The following STIL variants were observed in gnomAD, a reference collection of about 807,000 sequenced individuals.
STIL encodes the protein STIL centriolar assembly protein.
STIL carries 55 observed loss-of-function variants against 110.1 expected under a neutral mutation model. That is an observed-to-expected ratio of 0.50 (90% CI 0.40 to 0.63). STIL has a LOEUF of 0.63. Among genes scored for constraint, STIL ranks in the 20% least tolerant of loss-of-function variants. The pLI is 0.00. For missense variants in STIL, 1,358 were observed against 1,530.0 expected (o/e 0.89, Z 1.87); for synonymous variants, 481 against 530.0 (o/e 0.91, Z 1.27).
At chr1:47,285,778 C>T (rs1257732015) in intron 10 of STIL, among the ~76,000 whole-genome samples, 21 of 151,108 alleles carry the variant, frequency 1.4e-4, no homozygotes, top group Non-Finnish European at 3.1e-4. Flanking sequence ...TTCTTTACCA[C>T]AAAAGGTAGA....
intron 1 of STIL, chr1:47,312,860 T>C (rs970188893): frequency 2.0e-5 from 3 of 152,240 alleles, no homozygotes; most frequent in Non-Finnish European, 2.9e-5. Flanking sequence ...TCGTGTACAA[T>C]AGAAACGTTC....
At chr1:47,255,655 C>A (rs1333896509) in intron 16 of STIL, among the ~76,000 whole-genome samples, 4 of 151,916 alleles carry the variant, frequency 2.6e-5, no homozygotes, top group African/African-American at 9.7e-5. Context: ...AAGCAGATAG[C>A]CAGGAAGCAA....
chr1:47,288,809 G>A (rs907387932), intron 9 of STIL, among the ~76,000 whole-genome samples: 3 of 150,464 alleles, frequency 2.0e-5, no homozygotes, highest in African/African-American at 7.3e-5. Context: ...CACTTTGGGA[G>A]GCTTAGGCAG....
At chr1:47,313,030 G>A (rs1646180512) in intron 1 of STIL, 1 of 152,112 alleles carries the variant, frequency 6.6e-6, no homozygotes, top group Non-Finnish European at 1.5e-5. Context: ...TGCTTTAAAA[G>A]TCAATGGCTC....
intron 7 of STIL, among the ~76,000 whole-genome samples, chr1:47,295,331 G>A (rs1269394741): frequency 6.6e-6 from 1 of 152,098 alleles, no homozygotes; most frequent in Non-Finnish European, 1.5e-5. Flanking sequence ...TGTAATCCAA[G>A]CACTTTGGGA....
intron 14 of STIL, 70 bp from the exon 15 acceptor site, chr1:47,263,186 G>C: frequency 7.0e-7 from 1 of 1,421,462 alleles, no homozygotes; most frequent in Non-Finnish European, 9.7e-7. Context: ...AGTAACTTTA[G>C]AAAAAAGGGT....
intron 10 of STIL, among the ~76,000 whole-genome samples, chr1:47,285,947 T>C (rs1022878065): frequency 6.6e-6 from 1 of 152,024 alleles, no homozygotes; most frequent in Non-Finnish European, 1.5e-5. Flanking sequence ...CAATCTCAGC[T>C]CACTGCAACC....
chr1:47,256,315 T>C (rs1644325062), intron 16 of STIL, among the ~76,000 whole-genome samples: 1 of 152,176 alleles, frequency 6.6e-6, no homozygotes, highest in Non-Finnish European at 1.5e-5. Flanking sequence ...GTAGAGGCAA[T>C]GAGGATTTAG....
At chr1:47,274,095 TACAC>T (rs10552715) in intron 12 of STIL, among the ~76,000 whole-genome samples, 2 of 151,566 alleles carry the variant, frequency 1.3e-5, no homozygotes, top group African/African-American at 4.9e-5. Context: ...GTAAGCACTT[TACAC>T]ACACACACAC....
In STIL at chr1:47,301,551, T is replaced by C. The variant is rs992978458; in HGVS notation, c.453+10A>G. On this transcript the variant is annotated intron_variant, in intron 5 of 16. Coordinates refer to ENST00000371877, the MANE Select transcript of STIL (RefSeq NM_001048166.1). ...GTTGAATTAACTATCAAGTTGTCAA[T>C]GAATCGCACCTTTAAAGCTGAACTG... 16 of 1,612,456 alleles carry C rather than the reference T, an allele frequency of 9.9e-6. No homozygotes were observed. Among genetic ancestry groups the C allele is most frequent in the Admixed American group, 5.0e-5 (3 of 59,994 alleles).
At chr1:47,299,033 C>CCT (rs1645723894) in intron 6 of STIL, among the ~76,000 whole-genome samples, 1 of 142,212 alleles carries the variant, frequency 7.0e-6, no homozygotes, top group East Asian at 2.1e-4. Flanking sequence ...TTTACCACCA[C>CCT]TTTTTTTTTT....
Position 47,251,625 on chromosome 1 carries a change from T to C in STIL, c.3378A>G (p.Arg1126=), listed in dbSNP as rs142315727. The part of the protein sequence containing the change: ...MSFATKKYMK[R]YGLLQSSDNS... ...TGTCACTGCTTTGTAGGAGTCCATA[T>C]CTCTTCATATATTTTTTGGTTGCAA... The change falls in exon 17 of 17, where the codon AGA becomes AGG. Residue 1126 remains arginine, a synonymous_variant. Transcript: ENST00000371877. 9,527 of 1,614,160 alleles carry C rather than the reference T, an allele frequency of 5.9e-3. 40 individuals are homozygous for C. Among genetic ancestry groups the C allele is most frequent in the Non-Finnish European group, 7.2e-3 (8,505 of 1,180,032 alleles).
intron 5 of STIL, among the ~76,000 whole-genome samples, chr1:47,300,454 A>G (rs1361027255): frequency 6.7e-6 from 1 of 148,706 alleles, no homozygotes; most frequent in Non-Finnish European, 1.5e-5. Flanking sequence ...CCACATGGGA[A>G]AAAATGGACA....
intron 12 of STIL, among the ~76,000 whole-genome samples, chr1:47,274,879 C>T (rs1301303426): frequency 1.3e-5 from 2 of 152,034 alleles, no homozygotes; most frequent in African/African-American, 2.4e-5. Flanking sequence ...TTGCTGGGTG[C>T]AGTGGCTCAC....
chr1:47,261,024 G>A (rs1644468902), intron 15 of STIL, among the ~76,000 whole-genome samples: 1 of 152,174 alleles, frequency 6.6e-6, no homozygotes, highest in African/African-American at 2.4e-5. Context: ...TTTTATAGAA[G>A]CACATCCTAA....
intron 12 of STIL, among the ~76,000 whole-genome samples, chr1:47,273,682 A>T (rs1316508495): frequency 1.3e-5 from 2 of 152,166 alleles, no homozygotes; most frequent in Non-Finnish European, 2.9e-5. Context: ...TTTTGTGTGG[A>T]CATATTTTTT....
intron 10 of STIL, among the ~76,000 whole-genome samples, chr1:47,285,020 C>CTTTTTTTTTTTTT (rs35801422): frequency 4.5e-5 from 6 of 134,694 alleles, no homozygotes; most frequent in East Asian, 4.4e-4. Flanking sequence ...CATTTTTTGT[C>CTTTTTTTTTTTTT]TTTTTTTTTT....
intron 14 of STIL, among the ~76,000 whole-genome samples, chr1:47,266,714 C>T (rs1477238418): frequency 2.0e-5 from 3 of 152,164 alleles, no homozygotes; most frequent in Non-Finnish European, 4.4e-5. Flanking sequence ...AAGTCCAAGA[C>T]ATCTTCATCT....
chr1:47,308,032 CAG>C (rs1375270743), intron 2 of STIL, among the ~76,000 whole-genome samples: 2 of 152,200 alleles, frequency 1.3e-5, no homozygotes, highest in East Asian at 3.8e-4. Flanking sequence ...TTATCAATGA[CAG>C]TGGTGCCCAA....
Sources: allele counts gnomAD v4.1 joint callset (sites outside exome capture counted in the v4.1 genomes callset), GRCh38; gene constraint gnomAD v4.1.1; transcripts MANE v1.5; gene names NCBI Gene and HGNC (gene_info 2026-07-23, HGNC 2026-07-21).